The following TNS3 variants were observed in gnomAD, a reference collection of about 807,000 sequenced individuals.
The protein encoded by TNS3 is tensin 3.
Under a neutral mutation model 140.9 loss-of-function variants are expected in TNS3, and 45 were observed. That is an observed-to-expected ratio of 0.32 (90% CI 0.25 to 0.41). The LOEUF (loss-of-function observed/expected upper bound fraction) is 0.41. Ranked by LOEUF, TNS3 falls within the 10% of genes least tolerant of loss-of-function variation. The pLI is 1.00. For synonymous variants in TNS3, 815 were observed against 788.4 expected (o/e 1.03, Z -0.56); for missense variants, 1,716 against 1,906.7 (o/e 0.90, Z 1.86).
chr7:47,464,368 TTTC>T lies in TNS3; in HGVS notation c.-76+16732_-76+16734del, dbSNP rs574430991. On this transcript the variant is annotated intron_variant, in intron 4 of 30. Coordinates refer to ENST00000311160, the MANE Select transcript of TNS3 (RefSeq NM_022748.12). ...GAAGAAAGGCATCAGAGAATGTGAG[TTTC>T]TCAGGTGGAAGGAAATCATAAACGT... Among the ~76,000 whole-genome samples the T allele has an allele frequency of 8.5e-4, 130 of 152,096 alleles. 1 individual carries two copies. Among genetic ancestry groups the T allele is most frequent in the Middle Eastern group, 3.4e-3 (1 of 294 alleles).
rs778417866 is a variant in TNS3 at position 47,297,160 on chromosome 7, G to T, written c.3598C>A (p.His1200Asn). 1.2e-6 allele frequency: 2 copies of T among 1,613,810 alleles called. No individual in the cohort carries two copies. Among genetic ancestry groups the T allele is most frequent in the Non-Finnish European group, 1.7e-6 (2 of 1,179,948 alleles). ...EPGSFIVRDS[H>N]SFRGAYGLAM... The stretch of plus-strand genomic sequence containing the variant: ...AGGCCATAGGCCCCTCGGAAGGAAT[G>T]GCTGTCTCGAACAATGAATGAGCCC... The change falls in exon 24 of 31, where the codon CAT becomes AAT. Residue 1200 changes from histidine to asparagine, a missense_variant. Physicochemically the swap from His to Asn is moderately conservative, Grantham distance 68 (BLOSUM62 1). This residue lies in a region of TNS3 where 1,163 missense variants were observed against 1,182.1 expected (regional missense o/e 0.98). Coordinates refer to ENST00000311160, the MANE Select transcript of TNS3 (RefSeq NM_022748.12).
At chr7:47,491,636 T>C (rs2151829227) in intron 3 of TNS3, among the ~76,000 whole-genome samples, 1 of 152,310 alleles carries the variant, frequency 6.6e-6, no homozygotes, top group East Asian at 1.9e-4. Context: ...ACGAACTCCA[T>C]ATTTTTCAGA....
intron 20 of TNS3, among the ~76,000 whole-genome samples, chr7:47,323,879 A>C (rs1465263449): frequency 6.6e-6 from 1 of 152,256 alleles, no homozygotes; most frequent in Non-Finnish European, 1.5e-5. Flanking sequence ...ATGATAAATA[A>C]ATCCACAGTA....
At chr7:47,343,566 C>G (rs1445791615) in intron 20 of TNS3, among the ~76,000 whole-genome samples, 2 of 152,226 alleles carry the variant, frequency 1.3e-5, no homozygotes, top group African/African-American at 4.8e-5. Context: ...CAAGTACAGT[C>G]ACCTCCATGA....
chr7:47,524,448 GGTGCCTGT>G (rs1195284371), intron 2 of TNS3, among the ~76,000 whole-genome samples: 9 of 152,188 alleles, frequency 5.9e-5, no homozygotes, highest in Non-Finnish European at 2.9e-5. Flanking sequence ...AGCAGGAGCA[GGTGCCTGT>G]GTGTCCATAA....
At position 47,369,630 on chromosome 7, in the gene TNS3, G is replaced by C. The variant is rs758644614; in HGVS notation, c.1025-9C>G. The C allele has an allele frequency of 1.3e-6, 2 of 1,538,436 alleles. No individual in the cohort carries two copies. Among genetic ancestry groups the C allele is most frequent in the African/African-American group, 1.4e-5 (1 of 72,628 alleles). On this transcript the variant is annotated splice_polypyrimidine_tract_variant and intron_variant, in intron 16 of 30. Coordinates refer to ENST00000311160, the MANE Select transcript of TNS3 (RefSeq NM_022748.12). ...GCCCTGCGTGTGTAGCACTGCGGGG[G>C]AGAAAACCGGAGAGAGGCTTTCAGT...
At chr7:47,330,313 G>T (rs1788263539) in intron 20 of TNS3, among the ~76,000 whole-genome samples, 1 of 152,188 alleles carries the variant, frequency 6.6e-6, no homozygotes, top group Non-Finnish European at 1.5e-5. Flanking sequence ...ACAGGTGCTG[G>T]TCTCACGCAG....
intron 1 of TNS3, among the ~76,000 whole-genome samples, chr7:47,540,531 A>G (rs1358573185): frequency 6.6e-6 from 1 of 152,142 alleles, no homozygotes; most frequent in Non-Finnish European, 1.5e-5. Context: ...TCACACGATC[A>G]TGCATTCACC....
intron 17 of TNS3, among the ~76,000 whole-genome samples, chr7:47,362,367 G>C (rs1017152252): frequency 1.3e-5 from 2 of 152,128 alleles, no homozygotes; most frequent in African/African-American, 4.8e-5. Flanking sequence ...GGTGGGCAGG[G>C]CTACTCTACA....
intron 17 of TNS3, among the ~76,000 whole-genome samples, chr7:47,354,192 C>T (rs1789851711): frequency 6.6e-6 from 1 of 152,100 alleles, no homozygotes; most frequent in African/African-American, 2.4e-5. Context: ...GTTAAGAAGT[C>T]AAATCCAGGA....
At chr7:47,433,834 G>T (rs1795040451) in intron 8 of TNS3, among the ~76,000 whole-genome samples, 2 of 151,512 alleles carry the variant, frequency 1.3e-5, no homozygotes, top group South Asian at 4.2e-4. Context: ...GAAAAGCATA[G>T]GTTGTTTTAA....
rs139351804 is a variant in TNS3 at position 47,551,426 on chromosome 7, G to A, written c.-264-22279C>T. 4.0e-4 allele frequency among the ~76,000 whole-genome samples: 61 copies of A among 152,310 alleles called. No individual in the cohort carries two copies. The East Asian group carries it at 9.6e-3, about 24-fold the overall frequency. On this transcript the variant is annotated intron_variant, in intron 1 of 30. Coordinates refer to ENST00000311160, the MANE Select transcript of TNS3 (RefSeq NM_022748.12). ...GAGGAGGTGGGTGAGGGCACAAAAC[G>A]TCATGTGGCTGGAGCCCTGGGTGTG...
chr7:47,321,437 C>T lies in TNS3; in HGVS notation c.2651-16434G>A, dbSNP rs192844450. On this transcript the variant is annotated intron_variant, in intron 20 of 30. Transcript: ENST00000311160. ...TCCATTCCACTGAGTCCAAAACTCA[C>T]GAATACAGAGGCCACCAGCACTACT... 3.5e-4 allele frequency among the ~76,000 whole-genome samples: 54 copies of T among 152,314 alleles called. 1 individual carries two copies. Among genetic ancestry groups the T allele is most frequent in the African/African-American group, 1.2e-3 (50 of 41,574 alleles).
At chr7:47,550,809 AAAT>A (rs1163010365) in intron 1 of TNS3, among the ~76,000 whole-genome samples, 1 of 152,200 alleles carries the variant, frequency 6.6e-6, no homozygotes, top group Non-Finnish European at 1.5e-5. Flanking sequence ...AAGTCACTAA[AAAT>A]AATAATCACA....
intron 1 of TNS3, among the ~76,000 whole-genome samples, chr7:47,547,412 CTGCTGAAAT>C (rs530339085): frequency 1.6e-3 from 240 of 152,266 alleles, no homozygotes; most frequent in African/African-American, 5.3e-3. Context: ...AGGCATGCTT[CTGCTGAAAT>C]TGCTGAAATT....
At chr7:47,343,994 A>C (rs1789170420) in intron 20 of TNS3, among the ~76,000 whole-genome samples, 1 of 152,200 alleles carries the variant, frequency 6.6e-6, no homozygotes, top group African/African-American at 2.4e-5. Flanking sequence ...TGAAAGTCTC[A>C]GTCTCAGGTA....
intron 16 of TNS3, among the ~76,000 whole-genome samples, chr7:47,375,184 C>G (rs1292215359): frequency 6.6e-6 from 1 of 152,150 alleles, no homozygotes; most frequent in African/African-American, 2.4e-5. Context: ...GCAGGGATGC[C>G]ATAGCTCTTC....
rs985930866 is a variant in TNS3 at position 47,507,697 on chromosome 7, G to A, written c.-152-753C>T. On this transcript the variant is annotated intron_variant, in intron 2 of 30. Coordinates refer to ENST00000311160, the MANE Select transcript of TNS3 (RefSeq NM_022748.12). ...GATCATGAGGCATAAACCTCCCCAC[G>A]AGCACCACGGGCATGCTGCAGGCAG... Among the ~76,000 whole-genome samples, 11 of 152,156 alleles carry A rather than the reference G, an allele frequency of 7.2e-5. 1 individual carries two copies. Among genetic ancestry groups the A allele is most frequent in the South Asian group, 6.2e-4 (3 of 4,824 alleles).
At chr7:47,355,936 A>G (rs1406592806) in intron 17 of TNS3, among the ~76,000 whole-genome samples, 1 of 152,128 alleles carries the variant, frequency 6.6e-6, no homozygotes, top group East Asian at 1.9e-4. Flanking sequence ...GCCCACTCAC[A>G]CACTTCATGT....
Sources: allele counts gnomAD v4.1 joint callset (sites outside exome capture counted in the v4.1 genomes callset), GRCh38; gene constraint gnomAD v4.1.1; regional missense constraint gnomAD v4.1.1; transcripts MANE v1.5; gene names NCBI Gene and HGNC (gene_info 2026-07-23, HGNC 2026-07-21).